Variants in MUCL3 observed in about 807,000 individuals in gnomAD.
MUCL3 encodes the protein mucin-like protein 3.
In MUCL3, 42 loss-of-function variants were observed where a neutral mutation model predicts 70.2. The observed-to-expected ratio is 0.60, with a 90% CI of 0.47 to 0.77. The LOEUF is 0.77. MUCL3 is among the 30% of genes least tolerant of loss of function. The probability of loss-of-function intolerance (pLI) is 0.00; values close to 1 mark genes in which losing one functional copy is unlikely to be tolerated. For missense variants in MUCL3, 1,429 were observed against 1,670.0 expected (o/e 0.86, Z 2.52); for synonymous variants, 522 against 647.0 (o/e 0.81, Z 2.93).
intron 1 of MUCL3, among the ~76,000 whole-genome samples, chr6:30,947,657 C>T (rs572772466): frequency 6.6e-6 from 1 of 150,402 alleles, no homozygotes; most frequent in African/African-American, 2.4e-5. Context: ...TAGTCAGTCC[C>T]TACCACAATC....
intron 1 of MUCL3, among the ~76,000 whole-genome samples, chr6:30,947,911 G>T (rs1760382118): frequency 6.6e-6 from 1 of 151,980 alleles, no homozygotes; most frequent in Non-Finnish European, 1.5e-5. Flanking sequence ...CACAATTTGT[G>T]TCTACCTGCT....
Position 30,950,836 on chromosome 6 carries a change from A to C in MUCL3, c.2372A>C (p.Asn791Thr), listed in dbSNP as rs1221637291. ...TENGKRTPFA[N>T]EKTTSSSAEP... ...AATGGAAAAAGGACCCCATTTGCCA[A>C]TGAGAAGACCACATCATCCTCAGCA... The change falls in exon 2 of 3, where the codon AAT becomes ACT. Residue 791 changes from asparagine (N) to threonine (T), a missense_variant. Physicochemically the swap from Asn to Thr is moderately conservative, Grantham distance 65. Transcript: ENST00000462446. 1 of 1,550,884 alleles carries C rather than the reference A, an allele frequency of 6.4e-7. No homozygotes were observed. The highest frequency in any genetic ancestry group is 8.7e-7 in the Non-Finnish European group (1 of 1,146,908).
At position 30,949,759 on chromosome 6, in the gene MUCL3, A is replaced by G; in HGVS notation, c.1295A>G (p.Glu432Gly). The G allele has an allele frequency of 6.5e-7, 1 of 1,549,988 alleles. No homozygotes were observed. Among genetic ancestry groups the G allele is most frequent in the Non-Finnish European group, 8.7e-7 (1 of 1,146,632 alleles). Residue 432 changes from glutamate to glycine, a missense_variant, in exon 2 of 3, where the codon GAG (glutamate) becomes GGG (glycine). Coordinates refer to ENST00000462446, the MANE Select transcript of MUCL3 (RefSeq NM_080870.4). ...EHGERTPLAN[E>G]NTTPSPAEPT... ...GGAGAAAGGACCCCACTGGCCAACG[A>G]GAACACCACACCATCCCCAGCAGAG...
chr6:30,945,042 T>G (rs1795727148), intron 1 of MUCL3, among the ~76,000 whole-genome samples: 1 of 152,258 alleles, frequency 6.6e-6, no homozygotes, highest in Non-Finnish European at 1.5e-5. Flanking sequence ...TGTGGTTTAA[T>G]GACAACTGGT....
Position 30,953,279 on chromosome 6 carries a change from G to A in MUCL3, c.*162G>A. Reference sequence around the variant, plus strand: ...CTGTTCTTGAAACTGGTTGGGGAATGAGGTGATAAGCAAGGAGGGTGTAAG... The same window carrying A: ...CTGTTCTTGAAACTGGTTGGGGAATAAGGTGATAAGCAAGGAGGGTGTAAG... On this transcript the variant is annotated 3_prime_UTR_variant, in exon 3 of 3. Transcript: ENST00000462446. The A allele has an allele frequency of 1.9e-6, 2 of 1,066,736 alleles. No homozygotes were observed. Among genetic ancestry groups the A allele is most frequent in the Non-Finnish European group, 2.6e-6 (2 of 762,758 alleles). 66.1% of individuals were successfully genotyped at this position (1,066,736 alleles called of 1,614,324 possible). A position where few individuals can be genotyped will look rare whatever the true frequency, so the allele number is the denominator to read the frequency against.
intron 1 of MUCL3, among the ~76,000 whole-genome samples, chr6:30,947,796 G>T (rs377535500): frequency 5.3e-5 from 8 of 151,816 alleles, no homozygotes; most frequent in African/African-American, 1.7e-4. Context: ...GACCATAAGG[G>T]TTGGGTCATC....
At chr6:30,941,457 CTTTTTT>C (rs9278811) in intron 1 of MUCL3, among the ~76,000 whole-genome samples, 2 of 105,258 alleles carry the variant, frequency 1.9e-5, no homozygotes, top group Non-Finnish European at 4.1e-5. Context: ...TCTTCTTCTT[CTTTTTT>C]TTTTTTTTTT....
Position 30,948,706 on chromosome 6 carries a change from A to C in MUCL3, c.242A>C (p.His81Pro), listed in dbSNP as rs1760431198. The C allele has an allele frequency of 6.4e-7, 1 of 1,551,578 alleles. No individual in the cohort carries two copies. Among genetic ancestry groups the C allele is most frequent in the African/African-American group, 1.4e-5 (1 of 73,028 alleles). Residue 81 changes from histidine to proline, a missense_variant, in exon 2 of 3, where the codon CAT (histidine) becomes CCT (proline). Physicochemically the swap from His to Pro is moderately conservative, Grantham distance 77. Transcript: ENST00000462446. ...GAGCTCCCTAAATCTACAGAAATCC[A>C]TGAGCAAAAACGCCACTGCAACACC... ...PPELPKSTEI[H>P]EQKRHCNTTR... is the part of the protein sequence containing the mutation.
intron 1 of MUCL3, among the ~76,000 whole-genome samples, chr6:30,946,673 C>T (rs1795794514): frequency 6.6e-6 from 1 of 152,202 alleles, no homozygotes; most frequent in Non-Finnish European, 1.5e-5. Context: ...AGGGAGTCCA[C>T]ACATGTCAGT....
At chr6:30,943,114 C>T (rs925005299) in intron 1 of MUCL3, among the ~76,000 whole-genome samples, 11 of 152,156 alleles carry the variant, frequency 7.2e-5, no homozygotes. Flanking sequence ...AGAGGGACAA[C>T]TGGGATGGAT....
At position 30,953,718 on chromosome 6, in the gene MUCL3, A is replaced by G. The variant is rs1436016323; in HGVS notation, c.*601A>G. 2 of 151,904 alleles carry G rather than the reference A, an allele frequency of 1.3e-5. No homozygotes were observed. Among genetic ancestry groups the G allele is most frequent in the Admixed American group, 1.3e-4 (2 of 15,256 alleles). The allele number at this position is 151,904 out of a possible 1,614,324, so 9.4% of individuals were successfully genotyped here. ...TCTCCACTCTCTCCATGCCCTGGAG[A>G]AAAAAAAGTCCAGAAGAAATCATAA... On this transcript the variant is annotated 3_prime_UTR_variant, in exon 3 of 3. Coordinates refer to ENST00000462446, the MANE Select transcript of MUCL3 (RefSeq NM_080870.4).
rs1371260644 is a variant in MUCL3 at position 30,949,487 on chromosome 6, G to T, written c.1023G>T (p.Gly341=). 3 of 1,549,288 alleles carry T rather than the reference G, an allele frequency of 1.9e-6. No individual in the cohort carries two copies. The South Asian group carries it at 3.6e-5, about 18-fold the overall frequency. Residue 341 remains glycine, a synonymous_variant, in exon 2 of 3, where the codon GGG becomes GGT. Coordinates refer to ENST00000462446, the MANE Select transcript of MUCL3 (RefSeq NM_080870.4). ...AGAACACCGCACCATTCCCAGCAGG[G>T]CCTACAGAAAATAGAGAAATGACAG... The part of the protein sequence containing the change: ...ANENTAPFPA[G]PTENREMTAN...
intron 1 of MUCL3, among the ~76,000 whole-genome samples, chr6:30,945,081 C>T (rs1213282414): frequency 6.6e-6 from 1 of 152,234 alleles, no homozygotes; most frequent in Non-Finnish European, 1.5e-5. Flanking sequence ...CAGAGGCCTT[C>T]TTTCAACGTC....
intron 1 of MUCL3, among the ~76,000 whole-genome samples, chr6:30,944,816 A>G (rs144766318): frequency 1.0e-3 from 159 of 152,322 alleles, no homozygotes; most frequent in African/African-American, 3.5e-3. Context: ...GTGAAAACTT[A>G]CTAGGGAAAT....
Position 30,952,407 on chromosome 6 carries a change from G to T in MUCL3, c.3943G>T (p.Gly1315Ter). ...SQKGIHAGQM[G>*]ENDSFPAWAI... ...GAAAGGTATCCACGCTGGACAGATG[G>T]GAGAGAATGATTCATTCCCTGCATG... is the stretch of plus-strand genomic sequence containing the variant. Residue 1315 changes from glycine (G) to a stop codon, truncating the protein, a stop_gained, in exon 2 of 3, where the codon GGA becomes TGA. Coordinates refer to ENST00000462446, the MANE Select transcript of MUCL3 (RefSeq NM_080870.4). LOFTEE classifies it high-confidence loss of function. 1.9e-6 allele frequency: 3 copies of T among 1,614,064 alleles called. No homozygotes were observed. The highest frequency in any genetic ancestry group is 2.5e-6 in the Non-Finnish European group (3 of 1,179,970).
At position 30,953,060 on chromosome 6, in the gene MUCL3, G is replaced by T. The variant is rs1383188768; in HGVS notation, c.4125G>T (p.Pro1375=). 1.9e-6 allele frequency: 3 copies of T among 1,614,254 alleles called. No homozygotes were observed. Among genetic ancestry groups the T allele is most frequent in the Non-Finnish European group, 1.7e-6 (2 of 1,180,040 alleles). The change falls in exon 3 of 3, where the codon CCG becomes CCT. Residue 1375 remains proline (P), a synonymous_variant. Transcript: ENST00000462446. Reference sequence around the variant, plus strand: ...ATGAGGGTGGCCCCAATTCCTACCCGGTCTACCTGATGGAGCAGCAGAATC... The same window carrying T: ...ATGAGGGTGGCCCCAATTCCTACCCTGTCTACCTGATGGAGCAGCAGAATC... ...AEDEGGPNSY[P]VYLMEQQNLG...
chr6:30,949,999 C>T lies in MUCL3; in HGVS notation c.1535C>T (p.Thr512Ile), dbSNP rs779262554. 7.1e-6 allele frequency: 11 copies of T among 1,548,668 alleles called. No individual in the cohort carries two copies. The highest frequency in any genetic ancestry group is 5.6e-5 in the African/African-American group (4 of 71,850). The change falls in exon 2 of 3, where the codon ACC (threonine) becomes ATC (isoleucine). Residue 512 changes from threonine (T) to isoleucine (I), a missense_variant. Transcript: ENST00000462446. ...AGGACCCCATTTGCCAATGAGAAAA[C>T]CACATCATCCTCAGCAGAGCCTACA... ...GQRTPFANEK[T>I]TSSSAEPTEH...
At chr6:30,945,300 G>A (rs1281750936) in intron 1 of MUCL3, among the ~76,000 whole-genome samples, 1 of 152,064 alleles carries the variant, frequency 6.6e-6, no homozygotes, top group Non-Finnish European at 1.5e-5. Context: ...CACTGTTCTA[G>A]GCTGGAGACA....
At position 30,950,871 on chromosome 6, in the gene MUCL3, G is replaced by A. The variant is rs1257496741; in HGVS notation, c.2407G>A (p.Glu803Lys). The change falls in exon 2 of 3, where the codon GAA becomes AAA. Residue 803 changes from glutamate to lysine, a missense_variant. Transcript: ENST00000462446. ...CACATCATCCTCAGCAGAGCCTACA[G>A]AACACGCAGAAAGGACTCCACTGGC... ...KTTSSSAEPT[E>K]HAERTPLANE... 1 of 1,548,528 alleles carries A rather than the reference G, an allele frequency of 6.5e-7. No homozygotes were observed. Among genetic ancestry groups the A allele is most frequent in the Non-Finnish European group, 8.7e-7 (1 of 1,146,638 alleles).
Sources: allele counts gnomAD v4.1 joint callset (sites outside exome capture counted in the v4.1 genomes callset), GRCh38; gene constraint gnomAD v4.1.1; transcripts MANE v1.5; gene names NCBI Gene and HGNC (gene_info 2026-07-23, HGNC 2026-07-21).